UBE3C: variants seen among roughly 807,000 people sequenced by gnomAD.
UBE3C encodes ubiquitin-protein ligase E3C.
Under a neutral mutation model 129.4 loss-of-function variants are expected in UBE3C, and 42 were observed. That is an observed-to-expected ratio of 0.32 (90% CI 0.25 to 0.42). The LOEUF (loss-of-function observed/expected upper bound fraction) is 0.42, where lower values mean the gene tolerates loss of function less well. UBE3C is among the 10% of genes least tolerant of loss of function. UBE3C has a pLI of 1.00. For synonymous variants in UBE3C, 510 were observed against 492.4 expected (o/e 1.04, Z -0.47); for missense variants, 1,049 against 1,319.1 (o/e 0.80, Z 3.17).
At chr7:157,201,646 TTTTTTTTTTTTTA>T (rs1809285792) in intron 10 of UBE3C, 62 bp from the exon 11 acceptor site, 3 of 638,794 alleles carry the variant, frequency 4.7e-6, no homozygotes, top group Non-Finnish European at 6.7e-6. Context: ...GCTTTTTTTT[TTTTTTTTTTTTTA>T]AGAAATGTTT....
At chr7:157,241,398 C>T (rs990799194) in intron 18 of UBE3C, among the ~76,000 whole-genome samples, 10 of 152,128 alleles carry the variant, frequency 6.6e-5, no homozygotes, top group African/African-American at 2.2e-4. Flanking sequence ...TAAAAATGGG[C>T]GAAGGATCCA....
intron 14 of UBE3C, among the ~76,000 whole-genome samples, chr7:157,219,405 C>T (rs1041922541): frequency 6.6e-6 from 1 of 152,146 alleles, no homozygotes; most frequent in African/African-American, 2.4e-5. Flanking sequence ...GAGATGGGGC[C>T]TCTCAGTGAT....
At chr7:157,250,711 CA>C (rs1028320372) in intron 19 of UBE3C, among the ~76,000 whole-genome samples, 1 of 152,160 alleles carries the variant, frequency 6.6e-6, no homozygotes, top group Non-Finnish European at 1.5e-5. Context: ...TTCACCAATG[CA>C]AAATTTAGAT....
intron 2 of UBE3C, 34 bp from the exon 3 acceptor site, chr7:157,169,014 C>G: frequency 6.4e-7 from 1 of 1,562,780 alleles, no homozygotes; most frequent in Non-Finnish European, 8.8e-7. Context: ...GGATTCTGAC[C>G]AATTGCTCCC....
At chr7:157,212,848 C>G (rs527303777) in intron 13 of UBE3C, among the ~76,000 whole-genome samples, 3 of 152,256 alleles carry the variant, frequency 2.0e-5, no homozygotes, top group African/African-American at 7.2e-5. Flanking sequence ...ACCTCCACCC[C>G]CCAGGCTCAA....
intron 19 of UBE3C, among the ~76,000 whole-genome samples, chr7:157,248,880 G>C (rs1796548449): frequency 6.6e-6 from 1 of 152,136 alleles, no homozygotes; most frequent in Non-Finnish European, 1.5e-5. Context: ...CCGGTGCTGG[G>C]GGTGGCCGTT....
intron 18 of UBE3C, among the ~76,000 whole-genome samples, chr7:157,234,808 G>A (rs1168587787): frequency 6.6e-6 from 1 of 152,160 alleles, no homozygotes; most frequent in Non-Finnish European, 1.5e-5. Context: ...TTTTCAGATA[G>A]CATCTCTCTC....
intron 18 of UBE3C, chr7:157,231,563 G>A (rs1796022359): frequency 1.9e-6 from 1 of 532,252 alleles, no homozygotes. Context: ...AGTATTCAGA[G>A]GTGGAATCTT....
At chr7:157,197,491 AAATAATAAAAAT>A in intron 10 of UBE3C, 1 of 804,074 alleles carries the variant, frequency 1.2e-6, no homozygotes, top group Non-Finnish European at 1.8e-6. Flanking sequence ...TTATCTGTAA[AAATAATAAAAAT>A]AATTTGTTTT....
chr7:157,207,622 A>C (rs1310602313), intron 12 of UBE3C, 67 bp downstream of exon 12: 3 of 1,587,510 alleles, frequency 1.9e-6, no homozygotes, highest in Admixed American at 3.8e-5. Flanking sequence ...GACAGTAGAA[A>C]AGTTTTAAGC....
At chr7:157,160,866 T>C (rs897116666) in intron 1 of UBE3C, among the ~76,000 whole-genome samples, 8 of 152,188 alleles carry the variant, frequency 5.3e-5, no homozygotes, top group Admixed American at 3.9e-4. Flanking sequence ...GTTTATTGAT[T>C]TGGTTATTTA....
intron 3 of UBE3C, among the ~76,000 whole-genome samples, chr7:157,169,526 C>G (rs1465545502): frequency 2.0e-5 from 3 of 152,106 alleles, no homozygotes; most frequent in African/African-American, 7.2e-5. Flanking sequence ...CAGGCATGTG[C>G]CACCACGTGC....
At chr7:157,155,948 G>A (rs1407871642) in intron 1 of UBE3C, among the ~76,000 whole-genome samples, 2 of 151,998 alleles carry the variant, frequency 1.3e-5, no homozygotes, top group South Asian at 2.1e-4. Flanking sequence ...CTGCTACTAG[G>A]CATCCTTACG....
chr7:157,163,783 C>T (rs1323356879), intron 1 of UBE3C, 27 bp from the exon 2 acceptor site: 8 of 1,604,540 alleles, frequency 5.0e-6, no homozygotes, highest in African/African-American at 2.7e-5. Context: ...TATAACCTTA[C>T]CTCCTTTTTT....
intron 19 of UBE3C, among the ~76,000 whole-genome samples, chr7:157,249,429 C>A (rs1796565970): frequency 6.6e-6 from 1 of 152,130 alleles, no homozygotes; most frequent in Non-Finnish European, 1.5e-5. Context: ...GATTCTCCTG[C>A]CCCAGCTTCC....
At chr7:157,154,688 A>G (rs879539319) in intron 1 of UBE3C, among the ~76,000 whole-genome samples, 3 of 152,202 alleles carry the variant, frequency 2.0e-5, no homozygotes, top group Admixed American at 6.6e-5. Flanking sequence ...AAGAAAAGAA[A>G]GTCTCTTGGC....
intron 18 of UBE3C, among the ~76,000 whole-genome samples, chr7:157,238,494 T>C (rs6459745): frequency 0.34 from 50,937 of 151,862 alleles, 11,589 homozygotes; most frequent in African/African-American, 0.64. Flanking sequence ...TTGGGATGTG[T>C]GAGGACAGGA....
At chr7:157,224,791 C>CACAG (rs1300557636) in intron 16 of UBE3C, among the ~76,000 whole-genome samples, 1 of 148,484 alleles carries the variant, frequency 6.7e-6, no homozygotes, top group Non-Finnish European at 1.5e-5. Flanking sequence ...CACACACACA[C>CACAG]ACTCTCTCTC....
chr7:157,163,738 CT>C (rs1273513645), intron 1 of UBE3C, 71 bp from the exon 2 acceptor site: 1 of 1,517,586 alleles, frequency 6.6e-7, no homozygotes, highest in African/African-American at 1.4e-5. Flanking sequence ...TGAAAACATT[CT>C]GTAATTTTTG....
Sources: allele counts gnomAD v4.1 joint callset (sites outside exome capture counted in the v4.1 genomes callset), GRCh38; gene constraint gnomAD v4.1.1; transcripts MANE v1.5; gene names NCBI Gene and HGNC (gene_info 2026-07-23, HGNC 2026-07-21).